The following TMEM79 variants were observed in gnomAD, a reference collection of about 807,000 sequenced individuals.
The protein encoded by TMEM79 is mattrin.
Under a neutral mutation model 31.2 loss-of-function variants are expected in TMEM79, and 30 were observed. The ratio of observed to expected loss-of-function variants is 0.96; its 90% CI spans 0.72 to 1.30. TMEM79 has a LOEUF of 1.30. TMEM79 is among the 50% of genes most tolerant of loss of function. The probability of loss-of-function intolerance (pLI) is 0.00; values close to 1 mark genes in which losing one functional copy is unlikely to be tolerated. For missense variants in TMEM79, 509 were observed against 528.2 expected, an observed-to-expected ratio of 0.96 and a Z score of 0.36; for synonymous variants, 213 against 229.5, an observed-to-expected ratio of 0.93 and a Z score of 0.65.
intron 2 of TMEM79, 106 bp from the exon 3 acceptor site, chr1:156,286,154 G>A: frequency 7.2e-7 from 1 of 1,384,184 alleles, no homozygotes. Context: ...CCACCCCACT[G>A]TGTAGAGCCC....
In TMEM79 at chr1:156,291,362, T is replaced by A. The variant is rs7532219; in HGVS notation, c.972-23T>A. 2,229 of 1,611,490 alleles carry A rather than the reference T, an allele frequency of 1.4e-3. 38 individuals carry two copies. The African/African-American group carries it at 0.026, about 19-fold the overall frequency. On this transcript the variant is annotated intron_variant, in intron 3 of 3. Coordinates refer to ENST00000405535, the MANE Select transcript of TMEM79 (RefSeq NM_032323.3). ...TGACGCGCTTCCCTCGAGAGTAGCC[T>A]GACCCTTTTCTTGCCCCCATAGGCT...
intron 3 of TMEM79, 96 bp from the exon 4 acceptor site, chr1:156,291,289 C>A: frequency 9.0e-7 from 1 of 1,115,038 alleles, no homozygotes; most frequent in Non-Finnish European, 1.3e-6. Context: ...CCAACTGCAT[C>A]TGCCTCCCCT....
Position 156,285,198 on chromosome 1 carries a change from G to A in TMEM79, c.-29G>A. ...GTTCCCTGCAGGATGACATGACCTT[G>A]TGGTAGATCCCAGAACTGAGGCCCC... On this transcript the variant is annotated 5_prime_UTR_variant, in exon 2 of 4. The change creates a new upstream start codon in the 5' untranslated region. Transcript: ENST00000405535. The A allele has an allele frequency of 6.6e-7, 1 of 1,517,376 alleles. No individual in the cohort carries two copies. The highest frequency in any genetic ancestry group is 8.8e-7 in the Non-Finnish European group (1 of 1,134,988). 94.0% of individuals were successfully genotyped at this position (1,517,376 alleles called of 1,614,324 possible). A position where few individuals can be genotyped will look rare whatever the true frequency, so the allele number is the denominator to read the frequency against.
In TMEM79 at chr1:156,285,309, C is replaced by T; in HGVS notation, c.83C>T (p.Pro28Leu). The change falls in exon 2 of 4, where the codon CCC becomes CTC. Residue 28 changes from proline (P) to leucine (L), a missense_variant. Transcript: ENST00000405535. ...AAGAGCTCACCCCAGGCCTTGGTTC[C>T]CAATGGCCGGCAGCCAGAAGGGGAA... Reference protein sequence around the residue: ...PEKSSPQALVPNGRQPEGEGG... With the variant: ...PEKSSPQALVLNGRQPEGEGG... 9 of 1,576,408 alleles carry T rather than the reference C, an allele frequency of 5.7e-6. No homozygotes were observed. The highest frequency in any genetic ancestry group is 7.7e-6 in the Non-Finnish European group (9 of 1,163,960).
chr1:156,285,142 A>G, intron 1 of TMEM79, 42 bp from the exon 2 acceptor site: 2 of 1,480,342 alleles, frequency 1.4e-6, no homozygotes, highest in Admixed American at 4.9e-5. Flanking sequence ...TAATAACTAG[A>G]AGACAGGGGT....
intron 2 of TMEM79, 55 bp downstream of exon 2, chr1:156,286,038 C>G (rs537032605): frequency 1.9e-6 from 3 of 1,560,488 alleles, no homozygotes; most frequent in Middle Eastern, 3.5e-4. Flanking sequence ...GAGGGCAGGG[C>G]CTGGCTGGTG....
Position 156,291,466 on chromosome 1 carries a change from G to A in TMEM79, c.1053G>A (p.Ser351=), listed in dbSNP as rs776710717. The A allele has an allele frequency of 2.5e-6, 4 of 1,613,736 alleles. No homozygotes were observed. In the South Asian group the frequency reaches 3.3e-5, roughly 13 times the overall value. Residue 351 remains serine, a synonymous_variant, in exon 4 of 4, where the codon TCG becomes TCA. Coordinates refer to ENST00000405535, the MANE Select transcript of TMEM79 (RefSeq NM_032323.3). Reference sequence around the variant, plus strand: ...GCCTGACGTTTCTGCCACTGCTGTCGATGCTGATGTGGAACCTCTACTACA... The same window carrying A: ...GCCTGACGTTTCTGCCACTGCTGTCAATGCTGATGTGGAACCTCTACTACA... The part of the protein sequence containing the change: ...GYGLTFLPLL[S]MLMWNLYYMF...
rs9331871 is a variant in TMEM79, at chr1:156,292,376, AGTGT to A, written c.*821_*824del. ...ATGGTGCGGTGGTTGATGTTAACCT[AGTGT>A]GTGTGTGTGTGTGTGTGTGTGTGTG... On this transcript the variant is annotated 3_prime_UTR_variant, in exon 4 of 4. Transcript: ENST00000405535. The A allele has an allele frequency of 0.13, 18,048 of 141,980 alleles. 1,329 individuals are homozygous for A. The highest frequency in any genetic ancestry group is 0.24 in the Admixed American group (3,413 of 14,058). The allele number at this position is 141,980 out of a possible 1,614,324, so 8.8% of individuals were successfully genotyped here.
chr1:156,291,814 T>TA lies in TMEM79; in HGVS notation c.*217dup. On this transcript the variant is annotated 3_prime_UTR_variant, in exon 4 of 4. Transcript: ENST00000405535. ...CCGAGACAGTCATAAGGGATGGACT[T>TA]AGTTTTCTTGCAGGGAAAAAGGTGG... 1 of 600,256 alleles carries TA rather than the reference T, an allele frequency of 1.7e-6. No homozygotes were observed. Among genetic ancestry groups the TA allele is most frequent in the Non-Finnish European group, 3.0e-6 (1 of 336,570 alleles). The allele number at this position is 600,256 out of a possible 1,614,324, so 37.2% of individuals were successfully genotyped here.
In TMEM79 at chr1:156,285,327, A is replaced by C. The variant is rs1663118547; in HGVS notation, c.101A>C (p.Glu34Ala). 1 of 1,573,470 alleles carries C rather than the reference A, an allele frequency of 6.4e-7. No individual in the cohort carries two copies. The highest frequency in any genetic ancestry group is 1.4e-5 in the African/African-American group (1 of 73,516). Residue 34 changes from glutamate to alanine, a missense_variant, in exon 2 of 4, where the codon GAA becomes GCA. Glu to Ala is a moderately radical substitution (Grantham distance 107, BLOSUM62 -1). Coordinates refer to ENST00000405535, the MANE Select transcript of TMEM79 (RefSeq NM_032323.3). Reference sequence around the variant, plus strand: ...TTGGTTCCCAATGGCCGGCAGCCAGAAGGGGAAGGTGGGGCCGAATCCCCG... The same window carrying C: ...TTGGTTCCCAATGGCCGGCAGCCAGCAGGGGAAGGTGGGGCCGAATCCCCG... Reference protein sequence around the residue: ...QALVPNGRQPEGEGGAESPGA... With the variant: ...QALVPNGRQPAGEGGAESPGA...
At chr1:156,283,883 A>G (rs1663071762), upstream of TMEM79, among the ~76,000 whole-genome samples, 3 of 152,330 alleles carry the variant, frequency 2.0e-5, no homozygotes, top group Non-Finnish European at 2.9e-5. Flanking sequence ...TAATTGATTT[A>G]GTTGCTAGGC....
intron 3 of TMEM79, among the ~76,000 whole-genome samples, chr1:156,286,829 A>C (rs2101589137): frequency 6.6e-6 from 1 of 152,340 alleles, no homozygotes; most frequent in African/African-American, 2.4e-5. Context: ...ATATTTTTTC[A>C]AAATAGAGAC....
rs138995703 is a variant in TMEM79, at chr1:156,285,371, G to T, written c.145G>T (p.Val49Leu). 1 of 1,582,438 alleles carries T rather than the reference G, an allele frequency of 6.3e-7. No homozygotes were observed. Among genetic ancestry groups the T allele is most frequent in the African/African-American group, 1.3e-5 (1 of 74,348 alleles). Reference sequence around the variant, plus strand: ...ATCCCCGGGAGCTGAGTCCCTCAGAGTGGGGTCTTCAGCTGGATCTCCCAC... The same window carrying T: ...ATCCCCGGGAGCTGAGTCCCTCAGATTGGGGTCTTCAGCTGGATCTCCCAC... ...AESPGAESLR[V>L]GSSAGSPTAI... The change falls in exon 2 of 4, where the codon GTG becomes TTG. Residue 49 changes from valine (V) to leucine (L), a missense_variant. Coordinates refer to ENST00000405535, the MANE Select transcript of TMEM79 (RefSeq NM_032323.3).
At chr1:156,286,077 G>T in intron 2 of TMEM79, 94 bp downstream of exon 2, 3 of 1,518,994 alleles carry the variant, frequency 2.0e-6, no homozygotes, top group South Asian at 2.5e-5. Flanking sequence ...CCCTTCACTT[G>T]ACCTGGGCCC....
At chr1:156,288,329 AC>A (rs1262249088) in intron 3 of TMEM79, among the ~76,000 whole-genome samples, 5 of 148,302 alleles carry the variant, frequency 3.4e-5, no homozygotes, top group African/African-American at 5.0e-5. Flanking sequence ...TGCTCTTGTT[AC>A]TTTTTTTTTC....
intron 3 of TMEM79, among the ~76,000 whole-genome samples, chr1:156,289,255 A>T (rs1048344243): frequency 6.6e-6 from 1 of 152,194 alleles, no homozygotes. Flanking sequence ...CAGGTGGATC[A>T]TGAGGTCAGG....
intron 3 of TMEM79, chr1:156,291,055 A>G: frequency 3.5e-6 from 1 of 288,868 alleles, no homozygotes; most frequent in Non-Finnish European, 6.6e-6. Flanking sequence ...TGAGAGAATC[A>G]CTCAAGGCCA....
In TMEM79 at chr1:156,291,572, G is replaced by A. The variant is rs749209043; in HGVS notation, c.1159G>A (p.Asp387Asn). The stretch of plus-strand genomic sequence containing the variant: ...CCCGGACCACGCCCGCTCGGCCTCC[G>A]ACTACAGGCCCCGCCCCTGGGGCTG... The part of the protein sequence containing the change: ...DYPDHARSAS[D>N]YRPRPWG The change falls in exon 4 of 4, where the codon GAC becomes AAC. Residue 387 changes from aspartate to asparagine, a missense_variant. By Grantham distance (23) the Asp-to-Asn change is conservative. Transcript: ENST00000405535. 3 of 1,611,128 alleles carry A rather than the reference G, an allele frequency of 1.9e-6. No individual in the cohort carries two copies. The highest frequency in any genetic ancestry group is 1.7e-5 in the Admixed American group (1 of 60,000).
intron 3 of TMEM79, 96 bp downstream of exon 3, chr1:156,286,569 G>A (rs1663170249): frequency 3.9e-5 from 49 of 1,264,262 alleles, no homozygotes; most frequent in Non-Finnish European, 5.4e-5. Context: ...GAGCTTTCCG[G>A]ATTCTACACT....
Sources: allele counts gnomAD v4.1 joint callset (sites outside exome capture counted in the v4.1 genomes callset), GRCh38; gene constraint gnomAD v4.1.1; transcripts MANE v1.5; gene names NCBI Gene and HGNC (gene_info 2026-07-23, HGNC 2026-07-21).